MED13: variants seen among roughly 807,000 people sequenced by gnomAD.
The protein encoded by MED13 is mediator of RNA polymerase II transcription subunit 13.
MED13 carries 23 observed loss-of-function variants against 225.2 expected under a neutral mutation model. That is an observed-to-expected ratio of 0.10 (90% CI 0.07 to 0.14). The LOEUF (loss-of-function observed/expected upper bound fraction) is 0.14, where lower values mean the gene tolerates loss of function less well. Among genes scored for constraint, MED13 ranks in the 10% least tolerant of loss-of-function variants. The probability of loss-of-function intolerance (pLI) is 1.00; values close to 1 mark genes in which losing one functional copy is unlikely to be tolerated. For missense variants in MED13, 2,197 were observed against 2,594.5 expected (o/e 0.85, Z 3.33); for synonymous variants, 942 against 889.2 (o/e 1.06, Z -1.06).
Position 61,965,289 on chromosome 17 carries a change from C to T in MED13, c.4561G>A (p.Ala1521Thr), listed in dbSNP as rs770944509. 6.2e-7 allele frequency: 1 copy of T among 1,614,194 alleles called. No homozygotes were observed. The highest frequency in any genetic ancestry group is 1.1e-5 in the South Asian group (1 of 91,084). Residue 1521 changes from alanine to threonine, a missense_variant, in exon 20 of 30, where the codon GCC becomes ACC. By Grantham distance (58) the Ala-to-Thr change is moderately conservative. Transcript: ENST00000397786. ...GCTGTGGCAACTGAAGTAGATATGG[C>T]AACACCTGAAGTCACTGTCATAGTG... ...SSTMTVTSGV[A>T]ISTSVATANS...
At chr17:61,994,601 T>G (rs972238228) in intron 10 of MED13, among the ~76,000 whole-genome samples, 1 of 152,248 alleles carries the variant, frequency 6.6e-6, no homozygotes, top group Non-Finnish European at 1.5e-5. Flanking sequence ...ACAAGTTTAA[T>G]ATGCCCTTTA....
intron 6 of MED13, 52 bp from the exon 7 acceptor site, chr17:62,030,065 G>A (rs1218588149): frequency 7.2e-7 from 1 of 1,383,470 alleles, no homozygotes. Flanking sequence ...TAGGTTTAAA[G>A]TAACATTATT....
At chr17:62,024,079 G>A (rs1197814993) in intron 8 of MED13, among the ~76,000 whole-genome samples, 2 of 151,098 alleles carry the variant, frequency 1.3e-5, no homozygotes, top group East Asian at 1.9e-4. Flanking sequence ...GTGCAGTAAC[G>A]CCATCTTGGC....
chr17:62,012,356 T>C (rs902493836), intron 8 of MED13, among the ~76,000 whole-genome samples: 2 of 143,650 alleles, frequency 1.4e-5, no homozygotes, highest in African/African-American at 5.2e-5. Context: ...TGAGAGGGAG[T>C]TTCGCTCTTG....
At chr17:62,056,161 T>C (rs1176083955) in intron 2 of MED13, among the ~76,000 whole-genome samples, 1 of 152,236 alleles carries the variant, frequency 6.6e-6, no homozygotes, top group East Asian at 1.9e-4. Context: ...GGTTTTTGGT[T>C]TTGTTGGGAA....
intron 2 of MED13, among the ~76,000 whole-genome samples, chr17:62,061,055 A>T (rs977861869): frequency 3.3e-5 from 5 of 152,176 alleles, no homozygotes; most frequent in African/African-American, 1.2e-4. Flanking sequence ...TTACGCTAAA[A>T]ATCAAAGCTA....
At chr17:61,970,467 G>A (rs1446685002) in intron 17 of MED13, among the ~76,000 whole-genome samples, 2 of 152,020 alleles carry the variant, frequency 1.3e-5, no homozygotes, top group African/African-American at 4.8e-5. Context: ...GATCACTTGA[G>A]GCAAGCAGTT....
chr17:62,036,622 G>C (rs1272474093), intron 3 of MED13, among the ~76,000 whole-genome samples: 1 of 152,122 alleles, frequency 6.6e-6, no homozygotes, highest in Non-Finnish European at 1.5e-5. Context: ...TGGATAAGCA[G>C]AACATAGTGA....
intron 3 of MED13, among the ~76,000 whole-genome samples, chr17:62,052,169 A>T (rs2080962410): frequency 6.6e-6 from 1 of 152,204 alleles, no homozygotes. Context: ...CACTATCCTT[A>T]ACAGGTGTTG....
At chr17:61,954,418 A>G (rs2079923780) in intron 26 of MED13, among the ~76,000 whole-genome samples, 1 of 152,212 alleles carries the variant, frequency 6.6e-6, no homozygotes, top group Non-Finnish European at 1.5e-5. Context: ...GTTCATGTAC[A>G]GGTACCTCAA....
At chr17:61,983,225 TG>T in intron 15 of MED13, 111 bp from the exon 16 acceptor site, 1 of 883,398 alleles carries the variant, frequency 1.1e-6, no homozygotes, top group Non-Finnish European at 1.6e-6. Context: ...TAGAAAATTA[TG>T]AAAGGACAAG....
chr17:61,951,057 T>C, intron 27 of MED13, 59 bp from the exon 28 acceptor site: 4 of 1,363,390 alleles, frequency 2.9e-6, no homozygotes, highest in Non-Finnish European at 4.1e-6. Context: ...GTACCAGATA[T>C]AAACACAGAA....
chr17:62,031,278 T>C, intron 6 of MED13, 166 bp downstream of exon 6: 1 of 587,240 alleles, frequency 1.7e-6, no homozygotes, highest in Non-Finnish European at 2.9e-6. Flanking sequence ...GACAGGGTGA[T>C]GGAGTAAATA....
chr17:62,014,332 T>TATATATATATA (rs1567978309), intron 8 of MED13, among the ~76,000 whole-genome samples: 5 of 123,490 alleles, frequency 4.0e-5, no homozygotes, highest in African/African-American at 2.3e-4. Context: ...ATATATATAT[T>TATATATATATA]TTGAGACACA....
rs1377069342 is a variant in MED13 at position 61,983,023 on chromosome 17, T to C, written c.2980A>G (p.Ser994Gly). ...GGAAGAATTCCTGCTCCGCTGTTAC[T>C]AGGAGGTGCACTGCTAGGAGGCATC... is the stretch of plus-strand genomic sequence containing the variant. ...FGMPPSSAPP[S>G]NSGAGILPSP... The change falls in exon 16 of 30, where the codon AGT (serine) becomes GGT (glycine). Residue 994 changes from serine (S) to glycine (G), a missense_variant. Physicochemically the swap from Ser to Gly is moderately conservative, Grantham distance 56 (BLOSUM62 0). Around this residue, in one of 12 missense-constraint regions of MED13, gnomAD observed 99 missense variants for 158.5 expected, o/e 0.62. Coordinates refer to ENST00000397786, the MANE Select transcript of MED13 (RefSeq NM_005121.3). 6.2e-7 allele frequency: 1 copy of C among 1,613,854 alleles called. No individual in the cohort carries two copies.
chr17:62,008,676 T>G (rs978731966), intron 9 of MED13, among the ~76,000 whole-genome samples: 14 of 151,850 alleles, frequency 9.2e-5, no homozygotes, highest in Admixed American at 2.6e-4. Flanking sequence ...TCTCCCACTC[T>G]TCCCCCCGCC....
chr17:61,954,086 C>A (rs970828755), intron 26 of MED13, among the ~76,000 whole-genome samples: 2 of 152,078 alleles, frequency 1.3e-5, no homozygotes, highest in African/African-American at 4.8e-5. Context: ...TTGTACTGTA[C>A]CCATGGGCAA....
intron 17 of MED13, 110 bp downstream of exon 17, chr17:61,972,617 A>AC: frequency 1.9e-6 from 2 of 1,053,870 alleles, no homozygotes; most frequent in Non-Finnish European, 2.7e-6. Context: ...TGGCCTTAAG[A>AC]ATATATCACA....
chr17:62,015,950 ATATATTTTTTTT>A (rs2080572813), intron 8 of MED13, among the ~76,000 whole-genome samples: 2 of 13,776 alleles, frequency 1.5e-4, no homozygotes, highest in African/African-American at 5.5e-4. Context: ...ATATATATAT[ATATATTTTTTTT>A]TTTTTTTTTT....
Sources: allele counts gnomAD v4.1 joint callset (sites outside exome capture counted in the v4.1 genomes callset), GRCh38; gene constraint gnomAD v4.1.1; regional missense constraint gnomAD v4.1.1; transcripts MANE v1.5; gene names NCBI Gene and HGNC (gene_info 2026-07-23, HGNC 2026-07-21).